The following FHIT variants were observed in gnomAD, a reference collection of about 807,000 sequenced individuals.
FHIT encodes the protein bis(5'-adenosyl)-triphosphatase.
In FHIT, 19 loss-of-function variants were observed where a neutral mutation model predicts 17.9. The ratio of observed to expected loss-of-function variants is 1.06; its 90% CI spans 0.74 to 1.56. The LOEUF (loss-of-function observed/expected upper bound fraction) is 1.56. FHIT is among the 40% of genes most tolerant of loss of function. FHIT has a pLI of 0.00. For synonymous variants in FHIT, 81 were observed against 69.7 expected, an observed-to-expected ratio of 1.16 and a Z score of -0.81; for missense variants, 248 against 189.2, an observed-to-expected ratio of 1.31 and a Z score of -1.82.
At chr3:60,064,022 GAT>G (rs1395790978) in intron 5 of FHIT, among the ~76,000 whole-genome samples, 3 of 152,118 alleles carry the variant, frequency 2.0e-5, no homozygotes. Context: ...GTTTTGTTTA[GAT>G]GTCAACATGT....
chr3:60,785,067 C>G (rs1553726509), intron 4 of FHIT, among the ~76,000 whole-genome samples: 2 of 152,164 alleles, frequency 1.3e-5, no homozygotes. Context: ...AGCCCCTGTC[C>G]ACCAGAAAGA....
chr3:60,320,498 G>GT (rs1553743376), intron 5 of FHIT, among the ~76,000 whole-genome samples: 1 of 152,174 alleles, frequency 6.6e-6, no homozygotes, highest in Non-Finnish European at 1.5e-5. Context: ...TTTAACAGCT[G>GT]TAACGCTAAA....
intron 4 of FHIT, among the ~76,000 whole-genome samples, chr3:60,808,340 T>G (rs928662364): frequency 6.6e-6 from 1 of 152,218 alleles, no homozygotes; most frequent in Non-Finnish European, 1.5e-5. Context: ...TCATTATGCA[T>G]ATATTTTGAT....
intron 5 of FHIT, among the ~76,000 whole-genome samples, chr3:60,066,946 C>T (rs566062498): frequency 2.0e-5 from 3 of 152,114 alleles, no homozygotes; most frequent in Admixed American, 6.5e-5. Flanking sequence ...GCCTGACAGA[C>T]AAAATTTTTA....
intron 5 of FHIT, among the ~76,000 whole-genome samples, chr3:60,374,525 C>T (rs1700464314): frequency 6.6e-6 from 1 of 150,962 alleles, no homozygotes; most frequent in South Asian, 2.1e-4. Context: ...AGACTAAAGG[C>T]ATGACTAGTA....
chr3:61,177,082 C>G (rs1462202132), intron 2 of FHIT, among the ~76,000 whole-genome samples: 1 of 151,564 alleles, frequency 6.6e-6, no homozygotes, highest in Non-Finnish European at 1.5e-5. Flanking sequence ...GAGGCTGAGG[C>G]AGGAGAATGG....
chr3:60,154,868 T>C (rs1024362557), intron 5 of FHIT, among the ~76,000 whole-genome samples: 3 of 152,160 alleles, frequency 2.0e-5, no homozygotes, highest in Non-Finnish European at 2.9e-5. Flanking sequence ...TTATCTCTAA[T>C]AGTTGCAAAG....
chr3:59,889,242 C>G (rs528732529), intron 8 of FHIT, among the ~76,000 whole-genome samples: 2 of 152,180 alleles, frequency 1.3e-5, no homozygotes, highest in Admixed American at 6.5e-5. Context: ...GGACTAGACA[C>G]CAGGCATCAA....
intron 5 of FHIT, among the ~76,000 whole-genome samples, chr3:60,381,276 G>A (rs1458463563): frequency 1.3e-5 from 2 of 152,046 alleles, no homozygotes; most frequent in African/African-American, 4.8e-5. Flanking sequence ...TCAGGAGTTT[G>A]AGACCAGCCT....
intron 3 of FHIT, among the ~76,000 whole-genome samples, chr3:60,843,013 A>C (rs1011918896): frequency 2.6e-5 from 4 of 152,166 alleles, no homozygotes; most frequent in Admixed American, 2.0e-4. Context: ...TAGATATACC[A>C]AAGATTTATT....
At chr3:60,246,145 A>G (rs1357813221) in intron 5 of FHIT, among the ~76,000 whole-genome samples, 1 of 152,146 alleles carries the variant, frequency 6.6e-6, no homozygotes, top group Non-Finnish European at 1.5e-5. Context: ...GCATTGCAGT[A>G]ATACAGGCAA....
chr3:60,771,716 T>C (rs1302257309), intron 4 of FHIT, among the ~76,000 whole-genome samples: 1 of 152,206 alleles, frequency 6.6e-6, no homozygotes, highest in Admixed American at 6.5e-5. Context: ...ATCCAGTGTG[T>C]CAATTCCCAT....
intron 2 of FHIT, among the ~76,000 whole-genome samples, chr3:61,145,512 T>A (rs2037203180): frequency 6.6e-6 from 1 of 152,060 alleles, no homozygotes; most frequent in African/African-American, 2.4e-5. Context: ...TATTTGCAGT[T>A]CCACATGCAA....
chr3:60,381,694 C>G (rs1700806193), intron 5 of FHIT, among the ~76,000 whole-genome samples: 1 of 152,138 alleles, frequency 6.6e-6, no homozygotes, highest in Admixed American at 6.5e-5. Context: ...GGCTTTCCTA[C>G]TTTAACTTTC....
chr3:60,175,163 C>T (rs1701612549), intron 5 of FHIT, among the ~76,000 whole-genome samples: 1 of 152,068 alleles, frequency 6.6e-6, no homozygotes, highest in African/African-American at 2.4e-5. Context: ...ATAAAACACC[C>T]CTCTTTCCCC....
chr3:59,818,907 A>C (rs1003838325), intron 8 of FHIT, among the ~76,000 whole-genome samples: 7 of 152,234 alleles, frequency 4.6e-5, no homozygotes, highest in Non-Finnish European at 7.3e-5. Context: ...TTCAGCATGG[A>C]TATGACACTA....
chr3:59,828,618 C>G (rs185981088), intron 8 of FHIT, among the ~76,000 whole-genome samples: 1 of 152,330 alleles, frequency 6.6e-6, no homozygotes. Context: ...ACTTGCCTAA[C>G]TTCTTGGACC....
intron 4 of FHIT, among the ~76,000 whole-genome samples, chr3:60,577,478 C>T (rs2037608784): frequency 6.6e-6 from 1 of 152,096 alleles, no homozygotes; most frequent in Non-Finnish European, 1.5e-5. Flanking sequence ...TAAAAGTACA[C>T]TAAATAAGGA....
chr3:60,176,593 G>A (rs1701683716), intron 5 of FHIT, among the ~76,000 whole-genome samples: 1 of 152,164 alleles, frequency 6.6e-6, no homozygotes, highest in Non-Finnish European at 1.5e-5. Flanking sequence ...AAACACCTAG[G>A]TAGGTGGGGT....
Sources: allele counts gnomAD v4.1 joint callset (sites outside exome capture counted in the v4.1 genomes callset), GRCh38; gene constraint gnomAD v4.1.1; transcripts MANE v1.5; gene names NCBI Gene and HGNC (gene_info 2026-07-23, HGNC 2026-07-21).